The following UBN2 variants were observed in gnomAD, a reference collection of about 807,000 sequenced individuals.
UBN2 encodes ubinuclein-2.
In UBN2, 35 loss-of-function variants were observed where a neutral mutation model predicts 120.2. The observed-to-expected ratio is 0.29, with a 90% CI of 0.22 to 0.39. The LOEUF (loss-of-function observed/expected upper bound fraction) is 0.39. UBN2 is among the 10% of genes least tolerant of loss of function. The pLI is 1.00. For synonymous variants in UBN2, 661 were observed against 648.7 expected (o/e 1.02, Z -0.29); for missense variants, 1,693 against 1,663.2 (o/e 1.02, Z -0.31).
At position 139,297,847 on chromosome 7, in the gene UBN2, A is replaced by G. The variant is rs1435293460; in HGVS notation, c.*11A>G. 6.2e-7 allele frequency: 1 copy of G among 1,614,110 alleles called. No homozygotes were observed. The highest frequency in any genetic ancestry group is 1.7e-5 in the Admixed American group (1 of 60,028). ...CGGAAATCTCAGTGACTGCCCAGCA[A>G]GCAAAGGAGACGAAATGTTTAGTTG... On this transcript the variant is annotated 3_prime_UTR_variant, in exon 18 of 18. Coordinates refer to ENST00000473989, the MANE Select transcript of UBN2 (RefSeq NM_173569.4).
At chr7:139,287,622 T>C (rs1260597038) in intron 15 of UBN2, among the ~76,000 whole-genome samples, 1 of 151,966 alleles carries the variant, frequency 6.6e-6, no homozygotes, top group Non-Finnish European at 1.5e-5. Flanking sequence ...CTCTCCCAAA[T>C]GGCTTTATGA....
chr7:139,299,874 T>G lies in UBN2; in HGVS notation c.*2038T>G, dbSNP rs1798212428. 1 of 152,146 alleles carries G rather than the reference T, an allele frequency of 6.6e-6. No individual in the cohort carries two copies. 9.4% of individuals were successfully genotyped at this position (152,146 alleles called of 1,614,324 possible). A position where few individuals can be genotyped will look rare whatever the true frequency, so the allele number is the denominator to read the frequency against. Reference sequence around the variant, plus strand: ...TCATACTAGGGGAAGTGATGGGATTTTCCTTTGGGAAGGTAGCCTTTGTTT... The same window carrying G: ...TCATACTAGGGGAAGTGATGGGATTGTCCTTTGGGAAGGTAGCCTTTGTTT... On this transcript the variant is annotated 3_prime_UTR_variant, in exon 18 of 18. Coordinates refer to ENST00000473989, the MANE Select transcript of UBN2 (RefSeq NM_173569.4).
rs1357479550 is a variant in UBN2 at position 139,282,057 on chromosome 7, T to C, written c.2118+2T>C. On this transcript the variant is annotated splice_donor_variant, in intron 14 of 17. Coordinates refer to ENST00000473989, the MANE Select transcript of UBN2 (RefSeq NM_173569.4). LOFTEE classifies it high-confidence loss of function. ...CATTCTTTCCCCACTATGCTTAAGG[T>C]AAGTGCTATGGTTGTATCAATCAGT... 8 of 1,613,244 alleles carry C rather than the reference T, an allele frequency of 5.0e-6. No individual in the cohort carries two copies. Among genetic ancestry groups the C allele is most frequent in the Admixed American group, 1.7e-5 (1 of 59,994 alleles).
chr7:139,297,280 A>T (rs1798136287), intron 17 of UBN2, among the ~76,000 whole-genome samples: 1 of 151,988 alleles, frequency 6.6e-6, no homozygotes, highest in Non-Finnish European at 1.5e-5. Flanking sequence ...GCACACACTC[A>T]GCTGGATGTT....
intron 6 of UBN2, 71 bp from the exon 7 acceptor site, chr7:139,266,262 C>G (rs1173220483): frequency 1.9e-5 from 14 of 744,000 alleles, no homozygotes; most frequent in Non-Finnish European, 2.8e-5. Context: ...AACCTTTGAA[C>G]ACGTGTCCTA....
Position 139,305,030 on chromosome 7 carries a change from C to G in UBN2, c.*7194C>G, listed in dbSNP as rs940892310. ...TTCAAAAACTATCTACAGATGCTTT[C>G]ACTGGTGCAAAGCTGTAGTTAGTAT... On this transcript the variant is annotated 3_prime_UTR_variant, in exon 18 of 18. Transcript: ENST00000473989. 1 of 152,106 alleles carries G rather than the reference C, an allele frequency of 6.6e-6. No individual in the cohort carries two copies. The highest frequency in any genetic ancestry group is 1.5e-5 in the Non-Finnish European group (1 of 68,018). The allele number at this position is 152,106 out of a possible 1,614,324, so 9.4% of individuals were successfully genotyped here. A position where few individuals can be genotyped will look rare whatever the true frequency, so the allele number is the denominator to read the frequency against.
At chr7:139,232,027 C>T (rs1264546167) in intron 1 of UBN2, 75 bp downstream of exon 1, 7 of 1,442,230 alleles carry the variant, frequency 4.9e-6, no homozygotes, top group Admixed American at 1.9e-5. Flanking sequence ...CTGGTTTGCA[C>T]CTTGGGACGC....
At chr7:139,316,965 C>G in the UBN2 span, among the ~76,000 whole-genome samples, 1 of 149,530 alleles carries the variant, frequency 6.7e-6, no homozygotes, top group African/African-American at 2.5e-5. Context: ...TGGAGTCTTA[C>G]TCTGTCACCC....
chr7:139,319,643 A>G, the UBN2 span, among the ~76,000 whole-genome samples: 1 of 152,166 alleles, frequency 6.6e-6, no homozygotes, highest in Non-Finnish European at 1.5e-5. Context: ...AGGGATTAGC[A>G]TAGGCCCTCA....
intron 11 of UBN2, among the ~76,000 whole-genome samples, chr7:139,274,957 A>G (rs1797397941): frequency 6.6e-6 from 1 of 151,948 alleles, no homozygotes; most frequent in African/African-American, 2.4e-5. Flanking sequence ...TCAAGAAACA[A>G]AGAGTCGCTC....
chr7:139,260,030 A>G (rs551590275), intron 5 of UBN2, among the ~76,000 whole-genome samples: 4 of 152,076 alleles, frequency 2.6e-5, no homozygotes, highest in African/African-American at 7.2e-5. Flanking sequence ...CAGCCTCCCA[A>G]AGTGCTCGGA....
rs113726296 is a variant in UBN2 at position 139,294,175 on chromosome 7, A to C, written c.3994+194A>C. Reference sequence around the variant, plus strand: ...AATAGGTAGATGAGATCTGTAACATATAAAAAGAGCCTTTTTGAAGGTGTT... The same window carrying C: ...AATAGGTAGATGAGATCTGTAACATCTAAAAAGAGCCTTTTTGAAGGTGTT... On this transcript the variant is annotated intron_variant, in intron 17 of 17. Coordinates refer to ENST00000473989, the MANE Select transcript of UBN2 (RefSeq NM_173569.4). Among the ~76,000 whole-genome samples, 930 of 152,364 alleles carry C rather than the reference A, an allele frequency of 6.1e-3. 6 individuals are homozygous for C. The highest frequency in any genetic ancestry group is 0.021 in the African/African-American group (853 of 41,578).
chr7:139,286,691 A>G (rs1056087137), intron 15 of UBN2, among the ~76,000 whole-genome samples: 1 of 152,182 alleles, frequency 6.6e-6, no homozygotes, highest in Non-Finnish European at 1.5e-5. Flanking sequence ...AGGTTCTTAA[A>G]TATTCTTTGA....
the UBN2 span, among the ~76,000 whole-genome samples, chr7:139,322,385 G>A: frequency 1.5e-4 from 23 of 152,334 alleles, no homozygotes; most frequent in South Asian, 6.2e-4. Flanking sequence ...AGGAAAGAAC[G>A]TATCATTACA....
At chr7:139,248,154 A>G (rs1460004866) in intron 2 of UBN2, among the ~76,000 whole-genome samples, 3 of 152,202 alleles carry the variant, frequency 2.0e-5, no homozygotes, top group Admixed American at 1.3e-4. Context: ...AGTTCTTAAC[A>G]GATATTTTTG....
intron 2 of UBN2, among the ~76,000 whole-genome samples, chr7:139,250,100 G>A (rs867509097): frequency 1.3e-5 from 2 of 152,226 alleles, no homozygotes; most frequent in African/African-American, 4.8e-5. Context: ...TTTAAGATGG[G>A]TACCATAGCT....
chr7:139,231,771 C>T lies in UBN2; in HGVS notation c.287C>T (p.Pro96Leu). The T allele has an allele frequency of 7.9e-7, 1 of 1,261,968 alleles. No homozygotes were observed. Among genetic ancestry groups the T allele is most frequent in the Non-Finnish European group, 9.9e-7 (1 of 1,009,404 alleles). 78.2% of individuals were successfully genotyped at this position (1,261,968 alleles called of 1,614,324 possible). A position where few individuals can be genotyped will look rare whatever the true frequency, so the allele number is the denominator to read the frequency against. Reference protein sequence around the residue: ...LQREPPRPEPPPPFPPLPLQP... With the variant: ...LQREPPRPEPLPPFPPLPLQP... ...CGGGAGCCCCCGCGGCCCGAGCCGC[C>T]GCCGCCGTTCCCGCCGCTGCCCTTG... The change falls in exon 1 of 18, where the codon CCG (proline) becomes CTG (leucine). Residue 96 changes from proline to leucine, a missense_variant. By Grantham distance (98) the Pro-to-Leu change is moderately conservative (BLOSUM62 -3). This residue lies in a region of UBN2 where 663 missense variants were observed against 591.2 expected (regional missense o/e 1.12). Transcript: ENST00000473989.
chr7:139,276,306 T>TTGTCAGGG (rs1797440658), intron 12 of UBN2, 159 bp downstream of exon 12: 1 of 708,970 alleles, frequency 1.4e-6, no homozygotes, highest in Non-Finnish European at 2.4e-6. Context: ...ATTGAAATAA[T>TTGTCAGGG]TGTCAGGGTA....
chr7:139,245,704 G>A (rs1261220271), intron 2 of UBN2, among the ~76,000 whole-genome samples: 2 of 152,180 alleles, frequency 1.3e-5, no homozygotes, highest in East Asian at 3.9e-4. Flanking sequence ...AAAAAAGATC[G>A]TCATTGTGAT....
Sources: allele counts gnomAD v4.1 joint callset (sites outside exome capture counted in the v4.1 genomes callset), GRCh38; gene constraint gnomAD v4.1.1; regional missense constraint gnomAD v4.1.1; transcripts MANE v1.5; gene names NCBI Gene and HGNC (gene_info 2026-07-23, HGNC 2026-07-21).